PDE5A: variants seen among roughly 807,000 people sequenced by gnomAD.
PDE5A encodes cGMP-specific 3',5'-cyclic phosphodiesterase.
In PDE5A, 67 loss-of-function variants were observed where a neutral mutation model predicts 110.2. The ratio of observed to expected loss-of-function variants is 0.61; its 90% CI spans 0.50 to 0.75. The LOEUF (loss-of-function observed/expected upper bound fraction) is 0.75, where lower values mean the gene tolerates loss of function less well. PDE5A is among the 30% of genes least tolerant of loss of function. The pLI is 0.00. For synonymous variants in PDE5A, 328 were observed against 351.2 expected, an observed-to-expected ratio of 0.93 and a Z score of 0.74; for missense variants, 862 against 1,045.1, an observed-to-expected ratio of 0.82 and a Z score of 2.42.
chr4:119,565,461 T>A lies in PDE5A; in HGVS notation c.904-51A>T. 5.9e-6 allele frequency: 7 copies of A among 1,188,240 alleles called. No homozygotes were observed. The Middle Eastern group carries it at 1.4e-3, about 242-fold the overall frequency. The allele number at this position is 1,188,240 out of a possible 1,614,324, so 73.6% of individuals were successfully genotyped here. On this transcript the variant is annotated intron_variant, in intron 4 of 20. Coordinates refer to ENST00000354960, the MANE Select transcript of PDE5A (RefSeq NM_001083.4). ...AAAACGGTACATAAAACAGTCTAGT[T>A]ACATTGCCTGAAATACAGATCCTCA...
intron 3 of PDE5A, among the ~76,000 whole-genome samples, chr4:119,578,777 G>T (rs1191655097): frequency 6.6e-6 from 1 of 152,020 alleles, no homozygotes; most frequent in Admixed American, 6.5e-5. Context: ...CATAGGCATG[G>T]GCAAGGACTT....
At chr4:119,565,150 A>G (rs1378348529) in intron 5 of PDE5A, among the ~76,000 whole-genome samples, 171 bp downstream of exon 5, 1 of 152,202 alleles carries the variant, frequency 6.6e-6, no homozygotes, top group East Asian at 1.9e-4. Flanking sequence ...AATAAGATAA[A>G]CAACTAAGCA....
chr4:119,537,309 T>C (rs1239866491), intron 11 of PDE5A, among the ~76,000 whole-genome samples: 1 of 152,194 alleles, frequency 6.6e-6, no homozygotes, highest in Non-Finnish European at 1.5e-5. Context: ...TATTCATTTC[T>C]TCCACCATTT....
At position 119,502,673 on chromosome 4, in the gene PDE5A, C is replaced by T; in HGVS notation, c.2332-18G>A. On this transcript the variant is annotated intron_variant, in intron 18 of 20. Transcript: ENST00000354960. ...TCTGCTATCTGAAATAAATAACAGA[C>T]TCAGTTTTGACAATGAAAAGCATAT... 2 of 1,516,562 alleles carry T rather than the reference C, an allele frequency of 1.3e-6. No homozygotes were observed. The highest frequency in any genetic ancestry group is 9.1e-7 in the Non-Finnish European group (1 of 1,095,038). The allele number at this position is 1,516,562 out of a possible 1,614,324, so 93.9% of individuals were successfully genotyped here.
chr4:119,503,954 T>G (rs1725465915), intron 18 of PDE5A, among the ~76,000 whole-genome samples: 1 of 152,138 alleles, frequency 6.6e-6, no homozygotes, highest in African/African-American at 2.4e-5. Context: ...TAAAAAAATT[T>G]TTTTTATTTT....
chr4:119,625,867 C>T (rs1730330126), intron 1 of PDE5A, among the ~76,000 whole-genome samples: 1 of 152,198 alleles, frequency 6.6e-6, no homozygotes, highest in Non-Finnish European at 1.5e-5. Flanking sequence ...TTTTAAGTCT[C>T]CTGTTAATGC....
At chr4:119,543,908 TTCTC>T (rs1190726483) in intron 9 of PDE5A, 1 of 152,204 alleles carries the variant, frequency 6.6e-6, no homozygotes. Flanking sequence ...TAAATTTTAT[TTCTC>T]TCTCTCTTTC....
chr4:119,535,625 T>A (rs1218988497), intron 11 of PDE5A, among the ~76,000 whole-genome samples: 1 of 152,136 alleles, frequency 6.6e-6, no homozygotes, highest in Non-Finnish European at 1.5e-5. Context: ...AAAAGATATA[T>A]GCAAAATGCT....
At chr4:119,589,807 T>C (rs1728900305) in intron 3 of PDE5A, among the ~76,000 whole-genome samples, 1 of 152,144 alleles carries the variant, frequency 6.6e-6, no homozygotes, top group Non-Finnish European at 1.5e-5. Flanking sequence ...TTTTTCATCT[T>C]AAAAAGTCTG....
rs576105459 is a variant in PDE5A, at chr4:119,576,398, C to T, written c.832-9254G>A. On this transcript the variant is annotated intron_variant, in intron 3 of 20. Coordinates refer to ENST00000354960, the MANE Select transcript of PDE5A (RefSeq NM_001083.4). ...ACAGAATATACACTCTTCAGAGCACCACACCACACTTATTCCAAAATTGAC... is the reference window on the plus strand; with the variant it reads ...ACAGAATATACACTCTTCAGAGCACTACACCACACTTATTCCAAAATTGAC... Among the ~76,000 whole-genome samples the T allele has an allele frequency of 6.6e-5, 10 of 152,236 alleles. No homozygotes were observed. The South Asian group carries it at 2.1e-3, about 32-fold the overall frequency.
rs1725633020 is a variant in PDE5A, at chr4:119,508,527, G to A, written c.2089-823C>T. 2.0e-5 allele frequency among the ~76,000 whole-genome samples: 3 copies of A among 152,098 alleles called. No individual in the cohort carries two copies. In the South Asian group the frequency reaches 6.2e-4, roughly 32 times the overall value. Reference sequence around the variant, plus strand: ...AATGAGATCTGAAGGCAAGGGATTTGTTATGAAGACAGGAGAACTTCTGGG... The same window carrying A: ...AATGAGATCTGAAGGCAAGGGATTTATTATGAAGACAGGAGAACTTCTGGG... On this transcript the variant is annotated intron_variant, in intron 15 of 20. Coordinates refer to ENST00000354960, the MANE Select transcript of PDE5A (RefSeq NM_001083.4).
chr4:119,566,846 A>T (rs1727953266), intron 4 of PDE5A, among the ~76,000 whole-genome samples: 1 of 152,218 alleles, frequency 6.6e-6, no homozygotes, highest in Non-Finnish European at 1.5e-5. Context: ...TTGGCAGCAC[A>T]GCAAGGAGGG....
rs146599351 is a variant in PDE5A at position 119,620,411 on chromosome 4, A to G, written c.152+8109T>C. Among the ~76,000 whole-genome samples, 57 of 152,326 alleles carry G rather than the reference A, an allele frequency of 3.7e-4. No individual in the cohort carries two copies. In the East Asian group the frequency reaches 9.3e-3, roughly 25 times the overall value. The stretch of plus-strand genomic sequence containing the variant: ...CAAATTTGACTGAGAATTGGAAGGG[A>G]CAAAATATTTTGTAATTTTCTGTAC... On this transcript the variant is annotated intron_variant, in intron 1 of 20. Transcript: ENST00000354960.
At chr4:119,585,996 A>G (rs910912249) in intron 3 of PDE5A, among the ~76,000 whole-genome samples, 23 of 152,296 alleles carry the variant, frequency 1.5e-4, no homozygotes, top group African/African-American at 5.5e-4. Flanking sequence ...GCCCCTGCCC[A>G]CATCCTGACC....
chr4:119,584,327 T>C (rs914110471), intron 3 of PDE5A, among the ~76,000 whole-genome samples: 17 of 152,194 alleles, frequency 1.1e-4, no homozygotes, highest in Non-Finnish European at 2.4e-4. Flanking sequence ...GCTAACTGTT[T>C]TGTTCCCCAC....
intron 3 of PDE5A, among the ~76,000 whole-genome samples, chr4:119,584,453 C>G (rs1267242767): frequency 6.6e-6 from 1 of 152,214 alleles, no homozygotes; most frequent in Non-Finnish European, 1.5e-5. Flanking sequence ...AAATCAATCA[C>G]TAAACCTACT....
At chr4:119,619,497 G>A (rs1302955243) in intron 1 of PDE5A, among the ~76,000 whole-genome samples, 2 of 152,116 alleles carry the variant, frequency 1.3e-5, no homozygotes, top group Non-Finnish European at 2.9e-5. Context: ...CTGGGGGTCT[G>A]GGCTCCCATT....
intron 2 of PDE5A, among the ~76,000 whole-genome samples, chr4:119,604,689 C>G (rs1729465698): frequency 6.6e-6 from 1 of 152,108 alleles, no homozygotes; most frequent in Non-Finnish European, 1.5e-5. Context: ...TATCACACCC[C>G]AAATCCCGGC....
intron 18 of PDE5A, among the ~76,000 whole-genome samples, chr4:119,503,048 T>C (rs1725418071): frequency 6.6e-6 from 1 of 152,170 alleles, no homozygotes; most frequent in Non-Finnish European, 1.5e-5. Flanking sequence ...CATATAGTCC[T>C]GTTTATTATG....
Sources: allele counts gnomAD v4.1 joint callset (sites outside exome capture counted in the v4.1 genomes callset), GRCh38; gene constraint gnomAD v4.1.1; transcripts MANE v1.5; gene names NCBI Gene and HGNC (gene_info 2026-07-23, HGNC 2026-07-21).